Variants in NFIC observed in about 807,000 individuals in gnomAD.
The protein encoded by NFIC is nuclear factor 1 C-type.
Under a neutral mutation model 54.4 loss-of-function variants are expected in NFIC, and 12 were observed. That is an observed-to-expected ratio of 0.22 (90% CI 0.14 to 0.36). NFIC has a LOEUF of 0.36. Ranked by LOEUF, NFIC falls within the 10% of genes least tolerant of loss-of-function variation. The pLI is 1.00. For missense variants in NFIC, 575 were observed against 718.2 expected (o/e 0.80, Z 2.28); for synonymous variants, 322 against 319.2 (o/e 1.01, Z -0.09).
intron 3 of NFIC, among the ~76,000 whole-genome samples, chr19:3,431,712 C>T (rs537702001): frequency 2.0e-4 from 31 of 152,176 alleles, no homozygotes; most frequent in Non-Finnish European, 3.8e-4. Flanking sequence ...CCATGTTGCC[C>T]GGGCTGATCT....
upstream of NFIC, among the ~76,000 whole-genome samples, chr19:3,363,567 C>T (rs4807453): frequency 0.19 from 27,805 of 149,522 alleles, 2,828 homozygotes; most frequent in East Asian, 0.33. Flanking sequence ...CCACTACAAC[C>T]GGCCAAAGGA....
At chr19:3,362,225 G>A (rs2080820728), upstream of NFIC, among the ~76,000 whole-genome samples, 1 of 152,178 alleles carries the variant, frequency 6.6e-6, no homozygotes, top group Non-Finnish European at 1.5e-5. Context: ...GTGGGTGTGT[G>A]TGTGCTTGTA....
chr19:3,431,249 C>T (rs2082115504), intron 3 of NFIC, among the ~76,000 whole-genome samples: 1 of 151,648 alleles, frequency 6.6e-6, no homozygotes, highest in Non-Finnish European at 1.5e-5. Flanking sequence ...GTCTTGAACC[C>T]CTGAGCTCAG....
At chr19:3,421,003 G>A (rs543344489) in intron 2 of NFIC, among the ~76,000 whole-genome samples, 7 of 152,270 alleles carry the variant, frequency 4.6e-5, no homozygotes, top group East Asian at 1.9e-4. Flanking sequence ...GAATACAGGC[G>A]TGAGCCACCG....
chr19:3,359,975 G>A (rs1401084330), intron 1 of NFIC, among the ~76,000 whole-genome samples: 1 of 149,726 alleles, frequency 6.7e-6, no homozygotes, highest in Non-Finnish European at 1.5e-5. Flanking sequence ...CCCGGAGAAG[G>A]CCCCCGCAAC....
At chr19:3,406,749 A>G (rs2081655654) in intron 2 of NFIC, among the ~76,000 whole-genome samples, 1 of 151,890 alleles carries the variant, frequency 6.6e-6, no homozygotes, top group African/African-American at 2.4e-5. Context: ...ATTTTTCAGG[A>G]GGGATGTGAG....
intron 2 of NFIC, among the ~76,000 whole-genome samples, chr19:3,410,060 A>T (rs947364792): frequency 6.7e-6 from 1 of 150,324 alleles, no homozygotes; most frequent in African/African-American, 2.5e-5. Context: ...TTTTTTCCTG[A>T]GACGGAGTCT....
chr19:3,414,378 C>G (rs939150076), intron 2 of NFIC, among the ~76,000 whole-genome samples: 3 of 151,956 alleles, frequency 2.0e-5, no homozygotes, highest in South Asian at 2.1e-4. Context: ...GGACGGATCA[C>G]GAGGTCAAGA....
upstream of NFIC, among the ~76,000 whole-genome samples, chr19:3,361,934 A>T (rs1216384490): frequency 6.6e-6 from 1 of 152,198 alleles, no homozygotes; most frequent in Non-Finnish European, 1.5e-5. Flanking sequence ...ACATAGACAC[A>T]CACAGGCCTG....
intron 3 of NFIC, among the ~76,000 whole-genome samples, chr19:3,427,281 T>G (rs2082041936): frequency 6.6e-6 from 1 of 152,102 alleles, no homozygotes; most frequent in Non-Finnish European, 1.5e-5. Flanking sequence ...AGTTAGTGAT[T>G]GCCTATGGAT....
chr19:3,394,980 G>A (rs915385088), intron 2 of NFIC, among the ~76,000 whole-genome samples: 1 of 152,110 alleles, frequency 6.6e-6, no homozygotes, highest in Non-Finnish European at 1.5e-5. Flanking sequence ...CTGTTCCAGA[G>A]AATTCGGAAG....
Position 3,369,823 on chromosome 19 carries a change from G to A in NFIC, c.30+3157G>A, listed in dbSNP as rs185524326. On this transcript the variant is annotated intron_variant, in intron 1 of 10. Transcript: ENST00000443272. The surrounding 1 kb of genome is among the most constrained non-coding windows in gnomAD (Gnocchi z 4.3). ...GGGCCAAGTCCCTCTTGGCCGCAGCGTGGCGGATTCCCCGAGCCACCTCCA... is the reference window on the plus strand; with the variant it reads ...GGGCCAAGTCCCTCTTGGCCGCAGCATGGCGGATTCCCCGAGCCACCTCCA... Among the ~76,000 whole-genome samples the A allele has an allele frequency of 9.8e-5, 15 of 152,316 alleles. No homozygotes were observed. The highest frequency in any genetic ancestry group is 7.2e-4 in the Admixed American group (11 of 15,302).
intron 1 of NFIC, among the ~76,000 whole-genome samples, chr19:3,379,682 T>C: frequency 1.9e-5 from 1 of 53,520 alleles, no homozygotes. Flanking sequence ...TCTTTTTTTT[T>C]TTTTTTTTTT....
chr19:3,364,659 C>T (rs972957264), upstream of NFIC, among the ~76,000 whole-genome samples: 1 of 152,130 alleles, frequency 6.6e-6, no homozygotes, highest in Non-Finnish European at 1.5e-5. Context: ...ATGAGGAAAC[C>T]GAGGTTCCAA....
In NFIC at chr19:3,463,333, G is replaced by A. The variant is rs1013779908; in HGVS notation, c.*564G>A. ...AGCCCCCACCGAGGACGCAGCCACT[G>A]GGGGGAAAGGGAGACACAGCGGACC... On this transcript the variant is annotated 3_prime_UTR_variant, in exon 11 of 11. Transcript: ENST00000443272. 8 of 986,566 alleles carry A rather than the reference G, an allele frequency of 8.1e-6. No homozygotes were observed. The highest frequency in any genetic ancestry group is 5.2e-4 in the Middle Eastern group (1 of 1,938). 61.1% of individuals were successfully genotyped at this position (986,566 alleles called of 1,614,324 possible).
At chr19:3,437,367 CA>C (rs560589132) in intron 6 of NFIC, among the ~76,000 whole-genome samples, 199 of 132,470 alleles carry the variant, frequency 1.5e-3, no homozygotes, top group South Asian at 1.5e-3. Context: ...GACTCCGTCT[CA>C]AAAAAAAAAA....
intron 2 of NFIC, among the ~76,000 whole-genome samples, chr19:3,390,218 G>C (rs1055591354): frequency 1.3e-5 from 2 of 152,258 alleles, no homozygotes; most frequent in African/African-American, 4.8e-5. Flanking sequence ...CCTGGCAGCA[G>C]CAGCCTGTTA....
chr19:3,460,999 C>G (rs1022829516), intron 10 of NFIC, among the ~76,000 whole-genome samples: 2 of 151,968 alleles, frequency 1.3e-5, no homozygotes, highest in Non-Finnish European at 2.9e-5. Flanking sequence ...ATGGCGCATG[C>G]GTGTAATCCT....
intron 2 of NFIC, among the ~76,000 whole-genome samples, chr19:3,424,806 T>TA (rs1164347228): frequency 6.6e-6 from 1 of 152,210 alleles, no homozygotes; most frequent in Non-Finnish European, 1.5e-5. Flanking sequence ...TCTAAGTTCT[T>TA]ACCCACGACT....
Sources: gnomAD v4.1 joint callset for allele counts (sites outside exome capture counted in the v4.1 genomes callset) on GRCh38, gnomAD v4.1.1 for gene constraint, Gnocchi (gnomAD v3.1) non-coding constraint, MANE v1.5 for transcripts, NCBI Gene and HGNC (gene_info 2026-07-23, HGNC 2026-07-21) for gene names.